The following TCF12 variants were observed in gnomAD, a reference collection of about 807,000 sequenced individuals.
TCF12 encodes transcription factor 12.
In TCF12, 45 loss-of-function variants were observed where a neutral mutation model predicts 86.0. The ratio of observed to expected loss-of-function variants is 0.52; its 90% CI spans 0.41 to 0.67. The LOEUF (loss-of-function observed/expected upper bound fraction) is 0.67. Ranked by LOEUF, TCF12 falls within the 30% of genes least tolerant of loss-of-function variation. TCF12 has a pLI of 0.00. For synonymous variants in TCF12, 330 were observed against 299.6 expected, an observed-to-expected ratio of 1.10 and a Z score of -1.05; for missense variants, 881 against 859.9, an observed-to-expected ratio of 1.02 and a Z score of -0.31.
At position 57,218,995 on chromosome 15, in the gene TCF12, C is replaced by G. The variant is rs1238456302; in HGVS notation, c.580-12157C>G. On this transcript the variant is annotated intron_variant, in intron 8 of 20. Coordinates refer to ENST00000333725, the MANE Select transcript of TCF12 (RefSeq NM_207037.2). ...CTTGTTACACATGATTCAGTGTTTCCAATTCCTGATTACTTGATCATGTGT... is the reference window on the plus strand; with the variant it reads ...CTTGTTACACATGATTCAGTGTTTCGAATTCCTGATTACTTGATCATGTGT... The G allele has an allele frequency of 3.0e-6, 3 of 1,016,568 alleles. No homozygotes were observed. In the East Asian group the frequency reaches 1.8e-4, roughly 62 times the overall value. The allele number at this position is 1,016,568 out of a possible 1,614,324, so 63.0% of individuals were successfully genotyped here. A position where few individuals can be genotyped will look rare whatever the true frequency, so the allele number is the denominator to read the frequency against.
intron 3 of TCF12, among the ~76,000 whole-genome samples, chr15:57,012,338 A>G (rs1415226561): frequency 1.3e-5 from 2 of 152,222 alleles, no homozygotes; most frequent in South Asian, 2.1e-4. Context: ...ATAACTTGGT[A>G]TGTATTTTTT....
downstream of TCF12, chr15:57,289,990 G>C (rs888767137): frequency 5.9e-4 from 88 of 150,254 alleles, no homozygotes; most frequent in African/African-American, 2.0e-3. Flanking sequence ...TCTTTTCAGT[G>C]CCCTCCCATG....
At chr15:57,182,220 C>T (rs1366536720) in intron 6 of TCF12, among the ~76,000 whole-genome samples, 1 of 151,806 alleles carries the variant, frequency 6.6e-6, no homozygotes, top group Non-Finnish European at 1.5e-5. Context: ...TGAGCTGATA[C>T]CTAATTTTAT....
At chr15:56,980,890 G>A (rs1319521146) in intron 3 of TCF12, among the ~76,000 whole-genome samples, 1 of 152,216 alleles carries the variant, frequency 6.6e-6, no homozygotes, top group African/African-American at 2.4e-5. Context: ...TGGACATGCA[G>A]TAGATAGTTG....
intron 4 of TCF12, among the ~76,000 whole-genome samples, chr15:57,081,761 G>T (rs548131834): frequency 2.0e-5 from 3 of 152,146 alleles, no homozygotes; most frequent in African/African-American, 7.2e-5. Flanking sequence ...TAGAGACAGG[G>T]TTTCACCATG....
chr15:57,265,162 GTTA>G (rs1304668592), intron 18 of TCF12, among the ~76,000 whole-genome samples: 3 of 151,348 alleles, frequency 2.0e-5, no homozygotes, highest in East Asian at 1.9e-4. Context: ...AACATAATTA[GTTA>G]TTATTATTAT....
At chr15:57,059,737 G>A (rs2068310912) in intron 3 of TCF12, among the ~76,000 whole-genome samples, 1 of 150,882 alleles carries the variant, frequency 6.6e-6, no homozygotes, top group South Asian at 2.1e-4. Context: ...ATGTGGTGGG[G>A]GGCTGGGGGG....
At position 56,974,249 on chromosome 15, in the gene TCF12, G is replaced by A. The variant is rs113946257; in HGVS notation, c.148+53151G>A. The stretch of plus-strand genomic sequence containing the variant: ...TATAGAGTAATAAAGTATCATGTCT[G>A]AAACTTCCTCTCAGATGGTTCAGAA... On this transcript the variant is annotated intron_variant, in intron 3 of 20. Transcript: ENST00000333725. Among the ~76,000 whole-genome samples the A allele has an allele frequency of 4.1e-3, 624 of 152,196 alleles. 5 individuals are homozygous for A. The highest frequency in any genetic ancestry group is 0.031 in the South Asian group (150 of 4,830).
At chr15:57,206,645 T>G (rs2057828810) in intron 8 of TCF12, among the ~76,000 whole-genome samples, 1 of 135,786 alleles carries the variant, frequency 7.4e-6, no homozygotes, top group East Asian at 2.3e-4. Context: ...TGGAGTGCAG[T>G]GGCACGATCT....
chr15:57,261,410 T>G (rs1280436729), intron 16 of TCF12, among the ~76,000 whole-genome samples: 1 of 152,088 alleles, frequency 6.6e-6, no homozygotes, highest in Admixed American at 6.6e-5. Flanking sequence ...TTATTCCTCT[T>G]AGGGTAAAAT....
intron 13 of TCF12, chr15:57,247,099 CA>C (rs1195842874): frequency 1.7e-6 from 1 of 575,774 alleles, no homozygotes; most frequent in African/African-American, 1.9e-5. Flanking sequence ...TTATAGTTCC[CA>C]CCACCACCGT....
intron 3 of TCF12, among the ~76,000 whole-genome samples, chr15:56,959,595 A>G (rs1187470313): frequency 1.3e-5 from 2 of 152,238 alleles, no homozygotes; most frequent in Non-Finnish European, 2.9e-5. Context: ...AACACCTTAC[A>G]TACATATTAA....
chr15:57,034,296 A>G (rs1201700257), intron 3 of TCF12, among the ~76,000 whole-genome samples: 1 of 152,008 alleles, frequency 6.6e-6, no homozygotes, highest in Non-Finnish European at 1.5e-5. Context: ...TTTCTTGTTG[A>G]TGACTTTTTT....
intron 3 of TCF12, among the ~76,000 whole-genome samples, chr15:57,022,353 T>C (rs2065546711): frequency 6.6e-6 from 1 of 152,194 alleles, no homozygotes; most frequent in Non-Finnish European, 1.5e-5. Flanking sequence ...TTGCTGACAA[T>C]GATGGTTTCC....
chr15:57,102,548 A>G (rs1371992580), intron 5 of TCF12, among the ~76,000 whole-genome samples: 11 of 152,142 alleles, frequency 7.2e-5, no homozygotes, highest in Non-Finnish European at 1.6e-4. Context: ...CAGTGAGCCA[A>G]GATCGCATGA....
chr15:57,202,814 G>T (rs1200132299), intron 8 of TCF12, among the ~76,000 whole-genome samples: 1 of 151,982 alleles, frequency 6.6e-6, no homozygotes, highest in Non-Finnish European at 1.5e-5. Flanking sequence ...TTGTAAAAGG[G>T]GATGATAATG....
chr15:57,009,059 G>C (rs1227295067), intron 3 of TCF12, among the ~76,000 whole-genome samples: 1 of 152,104 alleles, frequency 6.6e-6, no homozygotes, highest in East Asian at 1.9e-4. Context: ...TGAAGTTAAA[G>C]TCCCAGTCAA....
At chr15:57,125,107 T>C (rs2051542712) in intron 5 of TCF12, among the ~76,000 whole-genome samples, 1 of 152,216 alleles carries the variant, frequency 6.6e-6, no homozygotes, top group Admixed American at 6.5e-5. Flanking sequence ...GGGGTGATGA[T>C]ACAGATCCCA....
rs2060211071 is a variant in TCF12, at chr15:57,253,477, A to G, written c.1467+9A>G. On this transcript the variant is annotated intron_variant, in intron 16 of 20. Transcript: ENST00000333725. ...GTCGATCAGCTTCAATGGTAAAATC[A>G]TGCTCATCTTTTTTGTAGTAAACCC... The G allele has an allele frequency of 5.0e-6, 8 of 1,613,582 alleles. No homozygotes were observed. Among genetic ancestry groups the G allele is most frequent in the Non-Finnish European group, 6.8e-6 (8 of 1,179,786 alleles).
Sources: gnomAD v4.1 joint callset for allele counts (sites outside exome capture counted in the v4.1 genomes callset) on GRCh38, gnomAD v4.1.1 for gene constraint, MANE v1.5 for transcripts, NCBI Gene and HGNC (gene_info 2026-07-23, HGNC 2026-07-21) for gene names.